HOMER1: variants seen among roughly 807,000 people sequenced by gnomAD.
HOMER1 encodes the protein homer protein homolog 1.
HOMER1 carries 3 observed loss-of-function variants against 48.9 expected under a neutral mutation model. That is an observed-to-expected ratio of 0.06 (90% CI 0.03 to 0.16). HOMER1 has a LOEUF of 0.16. Ranked by LOEUF, HOMER1 falls within the 10% of genes least tolerant of loss-of-function variation. The pLI is 1.00. For missense variants in HOMER1, 247 were observed against 411.4 expected (o/e 0.60, Z 3.46); for synonymous variants, 134 against 146.4 (o/e 0.92, Z 0.61).
chr5:79,402,670 A>G (rs1449377396), intron 5 of HOMER1, among the ~76,000 whole-genome samples: 1 of 152,216 alleles, frequency 6.6e-6, no homozygotes, highest in Admixed American at 6.5e-5. Flanking sequence ...TTTAAGGAAT[A>G]AACATTATAG....
intron 5 of HOMER1, among the ~76,000 whole-genome samples, chr5:79,405,130 G>A (rs186609587): frequency 4.6e-5 from 7 of 152,174 alleles, no homozygotes; most frequent in African/African-American, 1.4e-4. Context: ...TCTTTAAAGA[G>A]GTAATTAAGG....
At chr5:79,458,401 A>G (rs898336699) in intron 1 of HOMER1, among the ~76,000 whole-genome samples, 2 of 151,952 alleles carry the variant, frequency 1.3e-5, no homozygotes, top group African/African-American at 2.4e-5. Context: ...AATATTAAGT[A>G]AATTAATTTT....
chr5:79,435,490 AT>A (rs1229672192), intron 5 of HOMER1, among the ~76,000 whole-genome samples: 1 of 152,178 alleles, frequency 6.6e-6, no homozygotes, highest in African/African-American at 2.4e-5. Flanking sequence ...CTGGCAAAAA[AT>A]TTTTTTGCTA....
At position 79,427,724 on chromosome 5, in the gene HOMER1, TC is replaced by T. The variant is rs1561359729; in HGVS notation, c.527+11285del. Reference sequence around the variant, plus strand: ...CCTTCCTTCCTTTCCTTCCCTTCCTTCCTTCCCTTCCTTCCTTTCCTTCCTT... The same window carrying T: ...CCTTCCTTCCTTTCCTTCCCTTCCTTCTTCCCTTCCTTCCTTTCCTTCCTT... On this transcript the variant is annotated intron_variant, in intron 5 of 8. Coordinates refer to ENST00000334082, the MANE Select transcript of HOMER1 (RefSeq NM_004272.5). Among the ~76,000 whole-genome samples, 45 of 123,514 alleles carry T rather than the reference TC, an allele frequency of 3.6e-4. 1 individual carries two copies. The highest frequency in any genetic ancestry group is 1.5e-3 in the African/African-American group (43 of 27,828). The allele number at this position is 123,514 out of a possible 152,430, so 81.0% of individuals were successfully genotyped here.
intron 1 of HOMER1, among the ~76,000 whole-genome samples, chr5:79,503,270 C>G (rs918671862): frequency 2.0e-5 from 3 of 152,078 alleles, no homozygotes; most frequent in Non-Finnish European, 4.4e-5. Context: ...TGGCGGCTCA[C>G]GCCTGTAATC....
intron 5 of HOMER1, among the ~76,000 whole-genome samples, chr5:79,412,488 T>C (rs1749836694): frequency 6.6e-6 from 1 of 152,208 alleles, no homozygotes; most frequent in African/African-American, 2.4e-5. Context: ...AACTGAACAG[T>C]GGCATATTCC....
intron 5 of HOMER1, among the ~76,000 whole-genome samples, chr5:79,418,295 C>A (rs1385017808): frequency 6.6e-6 from 1 of 152,114 alleles, no homozygotes; most frequent in Non-Finnish European, 1.5e-5. Flanking sequence ...CTACTGATTG[C>A]GCAGCTATTA....
chr5:79,493,037 G>A (rs1365668783), intron 1 of HOMER1, among the ~76,000 whole-genome samples: 1 of 147,960 alleles, frequency 6.8e-6, no homozygotes, highest in Non-Finnish European at 1.5e-5. Flanking sequence ...TCGTGCCTCA[G>A]TCTCCCAAGT....
chr5:79,488,202 G>A (rs560974171), intron 1 of HOMER1, among the ~76,000 whole-genome samples: 3 of 152,264 alleles, frequency 2.0e-5, no homozygotes, highest in South Asian at 2.1e-4. Context: ...CATGCAACCC[G>A]AAAGCAGACA....
chr5:79,467,146 C>A (rs1751488389), intron 1 of HOMER1, among the ~76,000 whole-genome samples: 1 of 152,022 alleles, frequency 6.6e-6, no homozygotes, highest in Admixed American at 6.5e-5. Context: ...GGCCTGTAAT[C>A]CTAGCACTTT....
At chr5:79,438,250 A>G (rs190403197) in intron 5 of HOMER1, among the ~76,000 whole-genome samples, 4 of 152,368 alleles carry the variant, frequency 2.6e-5, no homozygotes. Context: ...AAAGTTTCCA[A>G]AGAAGGACAA....
intron 1 of HOMER1, among the ~76,000 whole-genome samples, chr5:79,478,531 T>C (rs1416483688): frequency 7.1e-6 from 1 of 139,944 alleles, no homozygotes; most frequent in Non-Finnish European, 1.6e-5. Context: ...TCTACTAAAA[T>C]ACAAAAAAAT....
chr5:79,501,875 C>T (rs970922318), intron 1 of HOMER1, among the ~76,000 whole-genome samples: 2 of 152,134 alleles, frequency 1.3e-5, no homozygotes, highest in Non-Finnish European at 2.9e-5. Context: ...AGAAATACTC[C>T]TTACATTTAA....
At chr5:79,381,578 G>C (rs1465338384) in intron 8 of HOMER1, among the ~76,000 whole-genome samples, 1 of 152,124 alleles carries the variant, frequency 6.6e-6, no homozygotes. Flanking sequence ...TGAGATACAA[G>C]AGAATTGTAA....
chr5:79,402,799 G>A (rs557319024), intron 5 of HOMER1, among the ~76,000 whole-genome samples: 76 of 152,204 alleles, frequency 5.0e-4, no homozygotes, highest in African/African-American at 1.8e-3. Context: ...ATGTCATAAG[G>A]TTTGGGATAT....
At chr5:79,407,093 C>A (rs1438912148) in intron 5 of HOMER1, among the ~76,000 whole-genome samples, 1 of 152,122 alleles carries the variant, frequency 6.6e-6, no homozygotes, top group Non-Finnish European at 1.5e-5. Context: ...ATCCTAAGCA[C>A]AAGGTAATGC....
chr5:79,452,868 T>G (rs1198469090), intron 2 of HOMER1, among the ~76,000 whole-genome samples: 1 of 152,184 alleles, frequency 6.6e-6, no homozygotes, highest in Non-Finnish European at 1.5e-5. Context: ...AGCATATCAT[T>G]TGGGATGTGT....
At chr5:79,472,690 G>A (rs1241611304) in intron 1 of HOMER1, among the ~76,000 whole-genome samples, 2 of 151,918 alleles carry the variant, frequency 1.3e-5, no homozygotes, top group Admixed American at 6.6e-5. Context: ...GAGGCAGGAG[G>A]ATCGCTTGAG....
intron 1 of HOMER1, among the ~76,000 whole-genome samples, chr5:79,477,625 A>G (rs1324187204): frequency 6.6e-6 from 1 of 152,248 alleles, no homozygotes; most frequent in Non-Finnish European, 1.5e-5. Context: ...ACAACTAATC[A>G]ATTGTCATTT....
Sources: gnomAD v4.1 joint callset for allele counts (sites outside exome capture counted in the v4.1 genomes callset) on GRCh38, gnomAD v4.1.1 for gene constraint, MANE v1.5 for transcripts, NCBI Gene and HGNC (gene_info 2026-07-23, HGNC 2026-07-21) for gene names.